The following SLC36A4 variants were observed in gnomAD, a reference collection of about 807,000 sequenced individuals.
SLC36A4 encodes neutral amino acid uniporter 4.
SLC36A4 carries 49 observed loss-of-function variants against 50.5 expected under a neutral mutation model. The observed-to-expected ratio is 0.97, with a 90% CI of 0.77 to 1.23. The LOEUF (loss-of-function observed/expected upper bound fraction) is 1.23, where lower values mean the gene tolerates loss of function less well. Ranked by LOEUF, SLC36A4 falls within the 50% of genes most tolerant of loss-of-function variation. The pLI, the probability that SLC36A4 is intolerant of heterozygous loss-of-function variation, is 0.00. For missense variants in SLC36A4, 611 were observed against 608.4 expected (o/e 1.00, Z -0.05); for synonymous variants, 207 against 206.5 (o/e 1.00, Z -0.02).
intron 10 of SLC36A4, among the ~76,000 whole-genome samples, chr11:93,150,726 G>A (rs879102176): frequency 6.6e-6 from 1 of 151,956 alleles, no homozygotes. Flanking sequence ...GCTCTCTAGG[G>A]AGCTATAGAG....
In SLC36A4 at chr11:93,148,735, T is replaced by A; in HGVS notation, c.1317A>T (p.Thr439=). 6.2e-7 allele frequency: 1 copy of A among 1,612,864 alleles called. No individual in the cohort carries two copies. Among genetic ancestry groups the A allele is most frequent in the Non-Finnish European group, 8.5e-7 (1 of 1,179,358 alleles). The change falls in exon 11 of 11, where the codon ACA becomes ACT. Residue 439 remains threonine (T), a synonymous_variant. Transcript: ENST00000326402. ...LILPPLVEIL[T]FSKEHYNIWM... ...ATATATTATAATGTTCCTTCGAAAA[T>A]GTAAGAATTTCAACCAAAGGTGGCA...
At chr11:93,178,274 C>G (rs1433484503) in intron 6 of SLC36A4, among the ~76,000 whole-genome samples, 1 of 152,110 alleles carries the variant, frequency 6.6e-6, no homozygotes, top group African/African-American at 2.4e-5. Flanking sequence ...GGGAGTGTCC[C>G]AATTTTCCAG....
chr11:93,187,115 C>T (rs764930340), intron 1 of SLC36A4, among the ~76,000 whole-genome samples: 1 of 152,028 alleles, frequency 6.6e-6, no homozygotes, highest in Non-Finnish European at 1.5e-5. Context: ...CCTTGGCTCA[C>T]ACTTTCATTC....
intron 3 of SLC36A4, 32 bp from the exon 4 acceptor site, chr11:93,182,926 T>C: frequency 6.8e-7 from 1 of 1,465,812 alleles, no homozygotes; most frequent in Non-Finnish European, 9.4e-7. Context: ...AAGGTTTAAA[T>C]ATTTAACAGA....
chr11:93,151,636 G>C (rs954740632), intron 10 of SLC36A4, among the ~76,000 whole-genome samples: 6 of 151,964 alleles, frequency 3.9e-5, no homozygotes, highest in Admixed American at 6.6e-5. Flanking sequence ...ATTTTAGTGG[G>C]TTTTCTCTAC....
chr11:93,180,104 G>A, intron 6 of SLC36A4: 1 of 952,958 alleles, frequency 1.0e-6, no homozygotes, highest in Non-Finnish European at 1.2e-6. Context: ...CCATGGACAT[G>A]TGGATAATTA....
At chr11:93,165,866 C>A (rs988775104) in intron 8 of SLC36A4, 52 bp downstream of exon 8, 52 of 1,163,680 alleles carry the variant, frequency 4.5e-5, no homozygotes, top group Admixed American at 9.1e-5. Context: ...CTATATAAAT[C>A]ATTGTGCTGA....
In SLC36A4 at chr11:93,146,680, T is replaced by C. The variant is rs1218329672; in HGVS notation, c.*1857A>G. On this transcript the variant is annotated 3_prime_UTR_variant, in exon 11 of 11. Transcript: ENST00000326402. ...GAGAATATATACAACTATAGTGATCTTGATGATATCTTCAAGTATGGTATA... is the reference window on the plus strand; with the variant it reads ...GAGAATATATACAACTATAGTGATCCTGATGATATCTTCAAGTATGGTATA... The C allele has an allele frequency of 6.6e-6, 1 of 152,228 alleles. No individual in the cohort carries two copies. Among genetic ancestry groups the C allele is most frequent in the Admixed American group, 6.5e-5 (1 of 15,274 alleles). The allele number at this position is 152,228 out of a possible 1,614,324, so 9.4% of individuals were successfully genotyped here. A position where few individuals can be genotyped will look rare whatever the true frequency, so the allele number is the denominator to read the frequency against.
rs774824290 is a variant in SLC36A4, at chr11:93,162,812, T to C, written c.931A>G (p.Met311Val). Residue 311 changes from methionine (M) to valine (V), a missense_variant, in exon 9 of 11, where the codon ATG becomes GTG. Met to Val is a conservative substitution (Grantham distance 21). Transcript: ENST00000326402. ...KRFPQALNIG[M>V]GIVTTLYVTL... ...ACATACAAAGTTGTAACAATCCCCA[T>C]GCCAATATTCAACGCTTGAGGGAAA... is the stretch of plus-strand genomic sequence containing the variant. The C allele has an allele frequency of 1.2e-6, 2 of 1,613,870 alleles. No homozygotes were observed. Among genetic ancestry groups the C allele is most frequent in the Admixed American group, 1.7e-5 (1 of 59,986 alleles).
chr11:93,158,681 C>T (rs1860476505), intron 9 of SLC36A4, among the ~76,000 whole-genome samples: 1 of 152,108 alleles, frequency 6.6e-6, no homozygotes, highest in Admixed American at 6.6e-5. Flanking sequence ...TCTATATTTT[C>T]AATCACTTTA....
intron 1 of SLC36A4, among the ~76,000 whole-genome samples, chr11:93,187,448 C>CAATTA (rs1301549028): frequency 2.0e-5 from 3 of 152,084 alleles, no homozygotes; most frequent in Non-Finnish European, 4.4e-5. Context: ...TTAGATATTT[C>CAATTA]AATTACATGC....
chr11:93,154,178 T>C lies in SLC36A4; in HGVS notation c.1137A>G (p.Thr379=). The C allele has an allele frequency of 6.4e-7, 1 of 1,569,218 alleles. No individual in the cohort carries two copies. The highest frequency in any genetic ancestry group is 8.6e-7 in the Non-Finnish European group (1 of 1,161,362). ...VPAEIIIPGI[T]SKFHTKWKQI... is the part of the protein sequence containing the mutation. The stretch of plus-strand genomic sequence containing the variant: ...GCTTCCATTTAGTATGAAATTTGGA[T>C]GTGATCCCAGGGATAATGATCTCTG... Residue 379 remains threonine (T), a synonymous_variant, in exon 10 of 11, where the codon ACA becomes ACG. Coordinates refer to ENST00000326402, the MANE Select transcript of SLC36A4 (RefSeq NM_152313.4).
At chr11:93,155,131 CT>C (rs1257748495) in intron 9 of SLC36A4, 1 of 151,988 alleles carries the variant, frequency 6.6e-6, no homozygotes, top group Non-Finnish European at 1.5e-5. Flanking sequence ...AGAATCCACT[CT>C]TTAGGGTTGC....
chr11:93,167,479 T>C (rs915057411), intron 7 of SLC36A4: 1 of 152,492 alleles, frequency 6.6e-6, no homozygotes, highest in Non-Finnish European at 1.5e-5. Context: ...TCAGTTGATG[T>C]TATTGCATAT....
At chr11:93,162,342 CTT>C (rs983419846) in intron 9 of SLC36A4, among the ~76,000 whole-genome samples, 3 of 151,946 alleles carry the variant, frequency 2.0e-5, no homozygotes, top group African/African-American at 7.3e-5. Context: ...GAGTTTCGCT[CTT>C]GTCACCCAGG....
chr11:93,189,117 C>A (rs529033291), intron 1 of SLC36A4, among the ~76,000 whole-genome samples: 4 of 150,674 alleles, frequency 2.7e-5, no homozygotes, highest in Non-Finnish European at 2.9e-5. Flanking sequence ...GGCTGGAGTA[C>A]AATGGTGCGA....
At chr11:93,189,003 C>T (rs1862101677) in intron 1 of SLC36A4, among the ~76,000 whole-genome samples, 1 of 151,850 alleles carries the variant, frequency 6.6e-6, no homozygotes, top group Non-Finnish European at 1.5e-5. Flanking sequence ...TAAATTTCCC[C>T]TTTTTATAAG....
rs978007632 is a variant in SLC36A4, at chr11:93,197,963, G to T, written c.-131C>A. On this transcript the variant is annotated 5_prime_UTR_variant, in exon 1 of 11. Coordinates refer to ENST00000326402, the MANE Select transcript of SLC36A4 (RefSeq NM_152313.4). ...CTGGTGCCCGCCTCCCTGCCCCGGC[G>T]CTCCCCAACCGCGCGGCGAGGAGCA... The T allele has an allele frequency of 1.0e-6, 1 of 964,890 alleles. No individual in the cohort carries two copies. The highest frequency in any genetic ancestry group is 1.4e-6 in the Non-Finnish European group (1 of 707,452). 59.8% of individuals were successfully genotyped at this position (964,890 alleles called of 1,614,324 possible). A position where few individuals can be genotyped will look rare whatever the true frequency, so the allele number is the denominator to read the frequency against.
chr11:93,178,539 AT>A (rs967185526), intron 6 of SLC36A4, among the ~76,000 whole-genome samples: 7 of 151,222 alleles, frequency 4.6e-5, no homozygotes, highest in African/African-American at 1.7e-4. Context: ...GAGTAGTTTA[AT>A]TTTTTTTTGC....
Sources: gnomAD v4.1 joint callset for allele counts (sites outside exome capture counted in the v4.1 genomes callset) on GRCh38, gnomAD v4.1.1 for gene constraint, MANE v1.5 for transcripts, NCBI Gene and HGNC (gene_info 2026-07-23, HGNC 2026-07-21) for gene names.